FYB2: variants seen among roughly 807,000 people sequenced by gnomAD.
FYB2 encodes the protein FYN-binding protein 2.
A neutral mutation model predicts 94.1 loss-of-function variants in FYB2; 103 were observed. The observed-to-expected ratio is 1.09, with a 90% CI of 0.93 to 1.29. FYB2 has a LOEUF of 1.29. FYB2 is among the 50% of genes most tolerant of loss of function. FYB2 has a pLI of 0.00. For synonymous variants in FYB2, 293 were observed against 287.9 expected (o/e 1.02, Z -0.18); for missense variants, 896 against 841.5 (o/e 1.06, Z -0.80).
At chr1:56,722,895 A>G (rs1405147673) in intron 17 of FYB2, among the ~76,000 whole-genome samples, 3 of 152,068 alleles carry the variant, frequency 2.0e-5, no homozygotes, top group African/African-American at 7.2e-5. Flanking sequence ...AGTGTCTAGC[A>G]CATGGAAGGT....
At chr1:56,810,587 T>C (rs762637475) in intron 1 of FYB2, among the ~76,000 whole-genome samples, 1 of 152,188 alleles carries the variant, frequency 6.6e-6, no homozygotes, top group Non-Finnish European at 1.5e-5. Context: ...TTTAGCAAGA[T>C]TTTTCTTTAA....
intron 4 of FYB2, among the ~76,000 whole-genome samples, chr1:56,770,068 G>T (rs1388706643): frequency 6.6e-6 from 1 of 152,022 alleles, no homozygotes; most frequent in Non-Finnish European, 1.5e-5. Context: ...CGTATACACC[G>T]ACACAAATTA....
At chr1:56,719,923 T>C in intron 19 of FYB2, 99 bp downstream of exon 19, 1 of 1,301,040 alleles carries the variant, frequency 7.7e-7, no homozygotes, top group Non-Finnish European at 1.1e-6. Flanking sequence ...TTAAAACTTA[T>C]CCTGAATTTC....
At chr1:56,810,119 T>C (rs1048023548) in intron 1 of FYB2, among the ~76,000 whole-genome samples, 1 of 152,170 alleles carries the variant, frequency 6.6e-6, no homozygotes, top group Non-Finnish European at 1.5e-5. Context: ...ATGATCATGG[T>C]GATTTTTAGT....
At chr1:56,736,088 T>C (rs1644824411) in intron 15 of FYB2, among the ~76,000 whole-genome samples, 1 of 152,140 alleles carries the variant, frequency 6.6e-6, no homozygotes, top group Admixed American at 6.6e-5. Context: ...AATTATTATA[T>C]GTCAACTTAA....
chr1:56,815,728 T>C (rs1466146735), intron 1 of FYB2, among the ~76,000 whole-genome samples: 4 of 152,230 alleles, frequency 2.6e-5, no homozygotes, highest in Non-Finnish European at 5.9e-5. Context: ...ATTCCATGAC[T>C]TGTGCAAATC....
chr1:56,748,004 T>A (rs1261308375), intron 9 of FYB2, among the ~76,000 whole-genome samples: 1 of 152,190 alleles, frequency 6.6e-6, no homozygotes, highest in Non-Finnish European at 1.5e-5. Context: ...TGACCAGTGA[T>A]GATGAGCTTT....
At chr1:56,762,883 A>G (rs1303603998) in intron 5 of FYB2, among the ~76,000 whole-genome samples, 1 of 152,186 alleles carries the variant, frequency 6.6e-6, no homozygotes, top group Non-Finnish European at 1.5e-5. Flanking sequence ...CTTGCTGTAC[A>G]TGTTCTTAAT....
chr1:56,804,746 A>C (rs535377522), intron 1 of FYB2, among the ~76,000 whole-genome samples: 5 of 100,532 alleles, frequency 5.0e-5, no homozygotes, highest in East Asian at 4.8e-4. Flanking sequence ...TAAATAAATA[A>C]ATACATAAAT....
intron 14 of FYB2, chr1:56,737,534 A>T (rs1398724080): frequency 6.3e-6 from 1 of 158,004 alleles, no homozygotes; most frequent in Non-Finnish European, 1.4e-5. Flanking sequence ...CTTAACTCCT[A>T]GGGGGGAGAA....
At chr1:56,734,983 G>A (rs1023444495) in intron 15 of FYB2, among the ~76,000 whole-genome samples, 5 of 151,952 alleles carry the variant, frequency 3.3e-5, no homozygotes, top group Admixed American at 6.6e-5. Flanking sequence ...AGGATGTGGA[G>A]AATAGGAAAT....
At chr1:56,786,880 T>C (rs1204579770) in intron 4 of FYB2, among the ~76,000 whole-genome samples, 1 of 152,208 alleles carries the variant, frequency 6.6e-6, no homozygotes, top group Non-Finnish European at 1.5e-5. Flanking sequence ...CTTTAGCCTC[T>C]AATTCAATTT....
chr1:56,727,833 T>C (rs1165871500), intron 15 of FYB2, among the ~76,000 whole-genome samples: 1 of 152,130 alleles, frequency 6.6e-6, no homozygotes. Flanking sequence ...TTTCTTTTGA[T>C]TTTTACAAAT....
chr1:56,766,969 G>A (rs1269263121), intron 5 of FYB2, among the ~76,000 whole-genome samples: 1 of 152,160 alleles, frequency 6.6e-6, no homozygotes, highest in African/African-American at 2.4e-5. Context: ...GGTAGCCTGA[G>A]CCTGTTTCAC....
Position 56,798,686 on chromosome 1 carries a change from A to G in FYB2, c.10-5883T>C, listed in dbSNP as rs557602146. Among the ~76,000 whole-genome samples the G allele has an allele frequency of 2.0e-5, 3 of 152,318 alleles. No individual in the cohort carries two copies. In the South Asian group the frequency reaches 6.2e-4, roughly 32 times the overall value. The stretch of plus-strand genomic sequence containing the variant: ...AATAACAAAAATGGGCAAACACATG[A>G]TATTACCATATACCAGGCACTGTTC... On this transcript the variant is annotated intron_variant, in intron 1 of 19. Transcript: ENST00000343433.
intron 15 of FYB2, among the ~76,000 whole-genome samples, chr1:56,736,473 TGGAGTCTAGTGGTG>T (rs1644834324): frequency 1.1e-4 from 15 of 141,836 alleles, no homozygotes; most frequent in Non-Finnish European, 1.9e-4. Context: ...TTGCCCAGGC[TGGAGTCTAGTGGTG>T]TGATCCCGGC....
At chr1:56,806,611 A>G (rs1160176041) in intron 1 of FYB2, among the ~76,000 whole-genome samples, 2 of 152,206 alleles carry the variant, frequency 1.3e-5, no homozygotes, top group Non-Finnish European at 2.9e-5. Context: ...TATCAAAATG[A>G]TATTTTGCAA....
At chr1:56,788,565 GGCTCC>G (rs565435200) in intron 3 of FYB2, among the ~76,000 whole-genome samples, 670 of 152,210 alleles carry the variant, frequency 4.4e-3, no homozygotes, top group Non-Finnish European at 7.2e-3. Flanking sequence ...AGGCCTGAGG[GGCTCC>G]CCCTAAGGAT....
intron 2 of FYB2, among the ~76,000 whole-genome samples, 157 bp from the exon 3 acceptor site, chr1:56,789,291 C>T (rs1239069630): frequency 6.6e-6 from 1 of 152,198 alleles, no homozygotes; most frequent in East Asian, 1.9e-4. Context: ...GATCAGTTGC[C>T]ATGCTGCTGC....
Sources: gnomAD v4.1 joint callset for allele counts (sites outside exome capture counted in the v4.1 genomes callset) on GRCh38, gnomAD v4.1.1 for gene constraint, MANE v1.5 for transcripts, NCBI Gene and HGNC (gene_info 2026-07-23, HGNC 2026-07-21) for gene names.